The following BRAF variants were observed in gnomAD, a reference collection of about 807,000 sequenced individuals.
BRAF encodes the protein B-Raf proto-oncogene, serine/threonine kinase, also known as serine/threonine-protein kinase B-raf.
BRAF carries 16 observed loss-of-function variants against 104.6 expected under a neutral mutation model. That is an observed-to-expected ratio of 0.15 (90% CI 0.10 to 0.23). The LOEUF is 0.23. BRAF is among the 10% of genes least tolerant of loss of function. The pLI is 1.00. For missense variants in BRAF, 541 were observed against 937.3 expected, an observed-to-expected ratio of 0.58 and a Z score of 5.52; for synonymous variants, 310 against 341.6, an observed-to-expected ratio of 0.91 and a Z score of 1.02.
At position 140,783,124 on chromosome 7, in the gene BRAF, G is replaced by C; in HGVS notation, c.1331C>G (p.Ala444Gly). 6.2e-7 allele frequency: 1 copy of C among 1,614,074 alleles called. No homozygotes were observed. The highest frequency in any genetic ancestry group is 8.5e-7 in the Non-Finnish European group (1 of 1,179,984). Reference sequence around the variant, plus strand: ...GTTAGTTAGTGAGCCAGGTAATGAGGCAGGGGGGGTAGCAGACAAACCTGT... The same window carrying C: ...GTTAGTTAGTGAGCCAGGTAATGAGCCAGGGGGGGTAGCAGACAAACCTGT... ...STTGLSATPPASLPGSLTNVK... is the reference protein window; with the variant it reads ...STTGLSATPPGSLPGSLTNVK... The change falls in exon 11 of 20, where the codon GCC becomes GGC. Residue 444 changes from alanine to glycine, a missense_variant. By Grantham distance (60) the Ala-to-Gly change is moderately conservative. Around this residue, in one of 10 missense-constraint regions of BRAF, gnomAD observed 109 missense variants for 143.9 expected, o/e 0.76. Transcript: ENST00000644969.
intron 1 of BRAF, among the ~76,000 whole-genome samples, chr7:140,903,833 A>G (rs182130846): frequency 6.6e-6 from 1 of 152,346 alleles, no homozygotes; most frequent in African/African-American, 2.4e-5. Flanking sequence ...ACTTCAATGG[A>G]GGAAGGAACT....
intron 1 of BRAF, among the ~76,000 whole-genome samples, chr7:140,874,816 G>T (rs1051259364): frequency 3.3e-5 from 5 of 152,160 alleles, no homozygotes; most frequent in Admixed American, 3.3e-4. Flanking sequence ...CCTGATGGGA[G>T]AAAATTGGAT....
downstream of BRAF, among the ~76,000 whole-genome samples, chr7:140,717,667 G>GTTCT (rs1235839454): frequency 6.6e-6 from 1 of 152,192 alleles, no homozygotes; most frequent in Non-Finnish European, 1.5e-5. Flanking sequence ...GTGTGGTAGA[G>GTTCT]TTCTTTATAA....
At position 140,776,488 on chromosome 7, in the gene BRAF, G is replaced by T. The variant is rs564352624; in HGVS notation, c.1814+424C>A. Among the ~76,000 whole-genome samples, 3 of 152,302 alleles carry T rather than the reference G, an allele frequency of 2.0e-5. No homozygotes were observed. The South Asian group carries it at 6.2e-4, about 32-fold the overall frequency. ...AATCCTCAAAAAGGGTCAGAATGCA[G>T]ATTTTTCACTTTAACTTTATTAACT... On this transcript the variant is annotated intron_variant, in intron 14 of 19. Transcript: ENST00000644969.
chr7:140,826,956 A>C (rs1334191533), intron 3 of BRAF, among the ~76,000 whole-genome samples: 2 of 152,204 alleles, frequency 1.3e-5, no homozygotes, highest in African/African-American at 4.8e-5. Flanking sequence ...GTGTGGAATA[A>C]TCCCCAACCT....
chr7:140,850,302 G>T, intron 1 of BRAF, 90 bp from the exon 2 acceptor site: 1 of 989,516 alleles, frequency 1.0e-6, no homozygotes, highest in Non-Finnish European at 1.5e-6. Flanking sequence ...CACAGTAACT[G>T]CCAGTGTTCC....
At chr7:140,911,094 T>C (rs541983811) in intron 1 of BRAF, among the ~76,000 whole-genome samples, 14 of 152,328 alleles carry the variant, frequency 9.2e-5, no homozygotes, top group African/African-American at 2.9e-4. Flanking sequence ...AGGTGAGTTA[T>C]AACTATGCAG....
At chr7:140,827,414 G>A (rs931846136) in intron 3 of BRAF, among the ~76,000 whole-genome samples, 2 of 152,116 alleles carry the variant, frequency 1.3e-5, no homozygotes, top group Non-Finnish European at 2.9e-5. Flanking sequence ...GAGGGTTCCT[G>A]GACAATGCAG....
chr7:140,851,358 A>C lies in BRAF; in HGVS notation c.139-1146T>G, dbSNP rs143203061. Among the ~76,000 whole-genome samples, 612 of 152,326 alleles carry C rather than the reference A, an allele frequency of 4.0e-3. 5 individuals are homozygous for C. The highest frequency in any genetic ancestry group is 0.014 in the African/African-American group (567 of 41,576). On this transcript the variant is annotated intron_variant, in intron 1 of 19. Transcript: ENST00000644969. ...TGTATTTAACATAAATATAACACAC[A>C]GTAGAAATTATGGCCTTTTAAACTA... is the stretch of plus-strand genomic sequence containing the variant.
Position 140,920,505 on chromosome 7 carries a change from G to A in BRAF, c.138+4061C>T, listed in dbSNP as rs567636652. Among the ~76,000 whole-genome samples, 9 of 152,186 alleles carry A rather than the reference G, an allele frequency of 5.9e-5. 1 individual carries two copies. In the South Asian group the frequency reaches 1.0e-3, roughly 18 times the overall value. ...TATTCATTCTAATCAAGAAAGCAAG[G>A]GATAGAAAAACAAGAAAAGTCAGAC... is the stretch of plus-strand genomic sequence containing the variant. On this transcript the variant is annotated intron_variant, in intron 1 of 19. Transcript: ENST00000644969.
chr7:140,779,307 G>A (rs1180584451), intron 12 of BRAF, among the ~76,000 whole-genome samples: 1 of 152,066 alleles, frequency 6.6e-6, no homozygotes, highest in East Asian at 1.9e-4. Context: ...TGTGATCATG[G>A]CTCACTGCAG....
chr7:140,779,494 T>C (rs1276428203), intron 12 of BRAF, among the ~76,000 whole-genome samples: 1 of 152,228 alleles, frequency 6.6e-6, no homozygotes, highest in Non-Finnish European at 1.5e-5. Context: ...TTTCTGATTT[T>C]GGAATATTTT....
chr7:140,896,359 A>G (rs1338661868), intron 1 of BRAF, among the ~76,000 whole-genome samples: 1 of 152,194 alleles, frequency 6.6e-6, no homozygotes, highest in Non-Finnish European at 1.5e-5. Context: ...GCACAAAAAG[A>G]TTCTCGCAAA....
chr7:140,743,019 C>T (rs7803738), intron 17 of BRAF, among the ~76,000 whole-genome samples: 45,745 of 152,056 alleles, frequency 0.3, 10,950 homozygotes, highest in African/African-American at 0.67. Flanking sequence ...AAAACCATAA[C>T]GACATATCAT....
intron 17 of BRAF, among the ~76,000 whole-genome samples, chr7:140,746,729 G>A (rs1363107098): frequency 6.6e-6 from 1 of 151,758 alleles, no homozygotes; most frequent in Non-Finnish European, 1.5e-5. Flanking sequence ...CTACTCGGGA[G>A]GCTGAGGCAG....
At chr7:140,738,083 C>G (rs187360399) in intron 18 of BRAF, among the ~76,000 whole-genome samples, 9 of 152,178 alleles carry the variant, frequency 5.9e-5, no homozygotes, top group African/African-American at 2.2e-4. Flanking sequence ...GCACTTGTCT[C>G]TCACCAGGAC....
At chr7:140,876,008 G>A (rs1812207971) in intron 1 of BRAF, among the ~76,000 whole-genome samples, 1 of 152,226 alleles carries the variant, frequency 6.6e-6, no homozygotes, top group Admixed American at 6.5e-5. Flanking sequence ...AGGTTGAGGA[G>A]TAAGCAAAAT....
chr7:140,903,153 C>T (rs369500528), intron 1 of BRAF, among the ~76,000 whole-genome samples: 3 of 151,838 alleles, frequency 2.0e-5, no homozygotes, highest in South Asian at 2.1e-4. Flanking sequence ...CTTGAACTCC[C>T]GGCCTCAGGT....
At chr7:140,848,766 C>T (rs1011170657) in intron 2 of BRAF, among the ~76,000 whole-genome samples, 1 of 152,156 alleles carries the variant, frequency 6.6e-6, no homozygotes, top group Non-Finnish European at 1.5e-5. Flanking sequence ...TTAGGAAGTA[C>T]ACTAACTAGT....
Sources: allele counts gnomAD v4.1 joint callset (sites outside exome capture counted in the v4.1 genomes callset), GRCh38; gene constraint gnomAD v4.1.1; regional missense constraint gnomAD v4.1.1; transcripts MANE v1.5; gene names NCBI Gene and HGNC (gene_info 2026-07-23, HGNC 2026-07-21).